The following ETNK1 variants were observed in gnomAD, a reference collection of about 807,000 sequenced individuals.
ETNK1 encodes ethanolamine kinase 1, also known as putative protein product of Nbla10396.
A neutral mutation model predicts 45.1 loss-of-function variants in ETNK1; 8 were observed. The observed-to-expected ratio is 0.18, with a 90% CI of 0.10 to 0.32. The LOEUF is 0.32. Ranked by LOEUF, ETNK1 falls within the 10% of genes least tolerant of loss-of-function variation. ETNK1 has a pLI of 1.00. For missense variants in ETNK1, 302 were observed against 430.6 expected (o/e 0.70, Z 2.64); for synonymous variants, 152 against 151.9 (o/e 1.00, Z -0.01).
chr12:22,638,544 G>C (rs745500409), intron 1 of ETNK1: 1 of 152,086 alleles, frequency 6.6e-6, no homozygotes, highest in Non-Finnish European at 1.5e-5. Flanking sequence ...GAGCCATCAC[G>C]CTTGGCCTGT....
intron 1 of ETNK1, among the ~76,000 whole-genome samples, chr12:22,642,113 T>C (rs963470660): frequency 1.1e-4 from 16 of 152,144 alleles, no homozygotes; most frequent in African/African-American, 3.4e-4. Context: ...TACTGTTTGC[T>C]GTGAAGATTC....
At chr12:22,641,662 A>G (rs1953739143) in intron 1 of ETNK1, among the ~76,000 whole-genome samples, 2 of 152,224 alleles carry the variant, frequency 1.3e-5, no homozygotes, top group Non-Finnish European at 1.5e-5. Flanking sequence ...AGTCAAAAGA[A>G]AAAAGGTTAA....
chr12:22,647,552 A>G (rs1017344797), intron 2 of ETNK1, among the ~76,000 whole-genome samples: 1 of 151,900 alleles, frequency 6.6e-6, no homozygotes, highest in East Asian at 1.9e-4. Flanking sequence ...CTTTTTGACT[A>G]TTGTCTAATA....
intron 2 of ETNK1, among the ~76,000 whole-genome samples, chr12:22,652,064 G>T (rs1220161280): frequency 6.6e-6 from 1 of 151,998 alleles, no homozygotes; most frequent in African/African-American, 2.4e-5. Context: ...CTATCCCTAG[G>T]AATTTGACTA....
chr12:22,625,256 C>G lies in ETNK1; in HGVS notation c.-175C>G. 6.2e-7 allele frequency: 1 copy of G among 1,611,302 alleles called. No individual in the cohort carries two copies. Among genetic ancestry groups the G allele is most frequent in the Non-Finnish European group, 8.5e-7 (1 of 1,179,422 alleles). On this transcript the variant is annotated 5_prime_UTR_variant, in exon 1 of 8. In the 5' UTR this introduces an upstream ATG that the reference lacks. Transcript: ENST00000266517. The stretch of plus-strand genomic sequence containing the variant: ...GTTCAGCTGCTGTCCAGACCCGGAT[C>G]GGCAACAGTGCCGCCTCCAGACGTT...
In ETNK1 at chr12:22,625,347, G is replaced by A; in HGVS notation, c.-84G>A. On this transcript the variant is annotated 5_prime_UTR_variant, in exon 1 of 8. Transcript: ENST00000266517. ...CCCGCGAGGGCGCCCCGGGACGGAA[G>A]GATCCACCAGTCTGTCGGCGCCCGC... 1 of 1,572,302 alleles carries A rather than the reference G, an allele frequency of 6.4e-7. No individual in the cohort carries two copies. The highest frequency in any genetic ancestry group is 8.6e-7 in the Non-Finnish European group (1 of 1,161,886).
At chr12:22,644,059 T>C in intron 2 of ETNK1, 37 bp downstream of exon 2, 1 of 1,384,224 alleles carries the variant, frequency 7.2e-7, no homozygotes, top group Non-Finnish European at 9.4e-7. Flanking sequence ...TTTTGAAAAA[T>C]AGGGCATTTA....
At chr12:22,652,484 AG>A (rs762727219) in intron 2 of ETNK1, among the ~76,000 whole-genome samples, 2 of 152,208 alleles carry the variant, frequency 1.3e-5, no homozygotes, top group African/African-American at 2.4e-5. Context: ...ACAGTGCACA[AG>A]GGCACCAGTT....
intron 1 of ETNK1, among the ~76,000 whole-genome samples, chr12:22,629,430 G>A (rs1468956549): frequency 6.6e-6 from 1 of 152,066 alleles, no homozygotes; most frequent in African/African-American, 2.4e-5. Flanking sequence ...GTTAGGTTGT[G>A]TAGCTACACA....
intron 4 of ETNK1, among the ~76,000 whole-genome samples, chr12:22,663,922 C>G (rs562984838): frequency 6.6e-6 from 1 of 151,118 alleles, no homozygotes; most frequent in South Asian, 2.1e-4. Context: ...CCATAGTATC[C>G]GTTTAAAAGA....
intron 2 of ETNK1, chr12:22,656,500 C>T: frequency 1.0e-6 from 1 of 985,378 alleles, no homozygotes; most frequent in Non-Finnish European, 1.2e-6. Flanking sequence ...AACTGCAGCA[C>T]TTGGATGACT....
In ETNK1 at chr12:22,625,633, C is replaced by T. The variant is rs767303046; in HGVS notation, c.156+47C>T. ...TGGGTCTCTTATGCCCCTCACGCGG[C>T]TCTGGGGGTCCTCACCACAATCGCC... On this transcript the variant is annotated intron_variant, in intron 1 of 7. Transcript: ENST00000266517. 19 of 1,520,100 alleles carry T rather than the reference C, an allele frequency of 1.2e-5. No individual in the cohort carries two copies. The Middle Eastern group carries it at 5.1e-4, about 41-fold the overall frequency. The allele number at this position is 1,520,100 out of a possible 1,614,324, so 94.2% of individuals were successfully genotyped here. A position where few individuals can be genotyped will look rare whatever the true frequency, so the allele number is the denominator to read the frequency against.
rs1312936217 is a variant in ETNK1, at chr12:22,673,625, G to A, written c.910G>A (p.Glu304Lys). 6.2e-7 allele frequency: 1 copy of A among 1,613,886 alleles called. No homozygotes were observed. The highest frequency in any genetic ancestry group is 2.2e-5 in the East Asian group (1 of 44,846). Reference sequence around the variant, plus strand: ...GACTGAAGTTACTGAAAAGGAGGTAGAAATACTCTTCATTCAAGTCAATCA... The same window carrying A: ...GACTGAAGTTACTGAAAAGGAGGTAAAAATACTCTTCATTCAAGTCAATCA... The part of the protein sequence containing the change: ...FGTEVTEKEV[E>K]ILFIQVNQFA... Residue 304 changes from glutamate to lysine, a missense_variant, in exon 6 of 8, where the codon GAA becomes AAA. Glu to Lys is a moderately conservative substitution (Grantham distance 56). Coordinates refer to ENST00000266517, the MANE Select transcript of ETNK1 (RefSeq NM_018638.5).
rs866308301 is a variant in ETNK1, at chr12:22,662,813, T to A, written c.700+1608T>A. 1.2e-3 allele frequency among the ~76,000 whole-genome samples: 178 copies of A among 152,334 alleles called. 2 individuals are homozygous for A. Among genetic ancestry groups the A allele is most frequent in the African/African-American group, 4.1e-3 (170 of 41,580 alleles). On this transcript the variant is annotated intron_variant, in intron 4 of 7. Coordinates refer to ENST00000266517, the MANE Select transcript of ETNK1 (RefSeq NM_018638.5). ...ATTCACATTAGCATGGTCATAATTA[T>A]ATTAAATTACTGTTTATGACCCTTC...
At chr12:22,661,001 A>G in intron 3 of ETNK1, 62 bp from the exon 4 acceptor site, 1 of 1,428,720 alleles carries the variant, frequency 7.0e-7, no homozygotes, top group Non-Finnish European at 9.6e-7. Context: ...ATAGATTTTA[A>G]TCCTTAATCA....
intron 5 of ETNK1, among the ~76,000 whole-genome samples, chr12:22,671,981 G>A (rs1208283083): frequency 6.6e-5 from 10 of 151,178 alleles, no homozygotes; most frequent in Admixed American, 2.6e-4. Flanking sequence ...GGTAATACTC[G>A]CAGTTTACAT....
intron 4 of ETNK1, among the ~76,000 whole-genome samples, chr12:22,662,492 T>C (rs2137559093): frequency 6.6e-6 from 1 of 151,300 alleles, no homozygotes; most frequent in South Asian, 2.1e-4. Context: ...ACTCTTGGGC[T>C]CAAGCAGTCC....
chr12:22,639,074 C>T (rs183746769), intron 1 of ETNK1: 7 of 152,080 alleles, frequency 4.6e-5, no homozygotes, highest in Admixed American at 2.6e-4. Context: ...TAGATCCATG[C>T]GTTTGTATGT....
intron 2 of ETNK1, among the ~76,000 whole-genome samples, chr12:22,651,278 C>T (rs1181477084): frequency 6.6e-6 from 1 of 152,172 alleles, no homozygotes; most frequent in Non-Finnish European, 1.5e-5. Flanking sequence ...TTGGCCAGTG[C>T]CATGTTGCCT....
Sources: allele counts gnomAD v4.1 joint callset (sites outside exome capture counted in the v4.1 genomes callset), GRCh38; gene constraint gnomAD v4.1.1; transcripts MANE v1.5; gene names NCBI Gene and HGNC (gene_info 2026-07-23, HGNC 2026-07-21).